SORCS3: variants seen among roughly 807,000 people sequenced by gnomAD.
The protein encoded by SORCS3 is VPS10 domain-containing receptor SorCS3.
A neutral mutation model predicts 146.3 loss-of-function variants in SORCS3; 57 were observed. That is an observed-to-expected ratio of 0.39 (90% CI 0.31 to 0.49). The LOEUF is 0.49. SORCS3 is among the 20% of genes least tolerant of loss of function. The probability of loss-of-function intolerance (pLI) is 0.92; values close to 1 mark genes in which losing one functional copy is unlikely to be tolerated. For missense variants in SORCS3, 1,341 were observed against 1,575.5 expected, an observed-to-expected ratio of 0.85 and a Z score of 2.52; for synonymous variants, 653 against 618.5, an observed-to-expected ratio of 1.06 and a Z score of -0.83.
At chr10:105,248,350 C>T in intron 22 of SORCS3, among the ~76,000 whole-genome samples, 1 of 152,156 alleles carries the variant, frequency 6.6e-6, no homozygotes. Flanking sequence ...ACTCTTGGAA[C>T]ATCTTTGGAG....
chr10:104,891,942 A>G (rs1408719459), intron 2 of SORCS3, among the ~76,000 whole-genome samples: 1 of 152,240 alleles, frequency 6.6e-6, no homozygotes, highest in African/African-American at 2.4e-5. Context: ...CACAAAGAGA[A>G]TGAACTTCAT....
chr10:104,699,959 T>C (rs2016260634), intron 1 of SORCS3, among the ~76,000 whole-genome samples: 1 of 152,134 alleles, frequency 6.6e-6, no homozygotes, highest in Non-Finnish European at 1.5e-5. Flanking sequence ...CACCTAGTCT[T>C]GAATAAAAAT....
At chr10:105,233,539 A>G (rs2056776730) in intron 20 of SORCS3, among the ~76,000 whole-genome samples, 1 of 152,068 alleles carries the variant, frequency 6.6e-6, no homozygotes, top group African/African-American at 2.4e-5. Flanking sequence ...TACTTCTCCT[A>G]ATGCTATTGC....
intron 2 of SORCS3, among the ~76,000 whole-genome samples, chr10:104,898,579 A>C (rs1476071594): frequency 6.6e-6 from 1 of 152,196 alleles, no homozygotes; most frequent in Non-Finnish European, 1.5e-5. Flanking sequence ...TTTCCTCTTC[A>C]TCCTGGGCAA....
At chr10:104,883,977 A>T (rs10884062) in intron 2 of SORCS3, among the ~76,000 whole-genome samples, 296 of 147,788 alleles carry the variant, frequency 2.0e-3, no homozygotes, top group African/African-American at 7.0e-3. Context: ...CTGTGGAATG[A>T]GGGGGGGGAA....
In SORCS3 at chr10:104,795,346, T is replaced by TA. The variant is rs150865455; in HGVS notation, c.628-47439dup. 4.7e-3 allele frequency among the ~76,000 whole-genome samples: 719 copies of TA among 152,306 alleles called. 7 individuals are homozygous for TA. The highest frequency in any genetic ancestry group is 0.017 in the African/African-American group (701 of 41,562). On this transcript the variant is annotated intron_variant, in intron 1 of 26. Transcript: ENST00000369701. ...TGGCATTTACATTTATTATGTAATT[T>TA]AAAAAAATGGTGAATAGTTTTTTGT...
Position 105,256,802 on chromosome 10 carries a change from C to A in SORCS3, c.3338-17C>A. ...TGAGCATATCTGTTCTTTTCCTTAT[C>A]TGTTCTTCTTTCCAAGCTCCATTGG... is the stretch of plus-strand genomic sequence containing the variant. On this transcript the variant is annotated splice_polypyrimidine_tract_variant and intron_variant, in intron 24 of 26. Coordinates refer to ENST00000369701, the MANE Select transcript of SORCS3 (RefSeq NM_014978.3). 6.3e-7 allele frequency: 1 copy of A among 1,599,366 alleles called. No homozygotes were observed. Among genetic ancestry groups the A allele is most frequent in the Non-Finnish European group, 8.6e-7 (1 of 1,166,734 alleles).
chr10:104,915,714 A>C, intron 2 of SORCS3, 119 bp from the exon 3 acceptor site: 1 of 773,798 alleles, frequency 1.3e-6, no homozygotes, highest in South Asian at 1.6e-5. Context: ...TCTCTGAAGC[A>C]CTCATATGAT....
At position 104,645,653 on chromosome 10, in the gene SORCS3, A is replaced by G. The variant is rs79302601; in HGVS notation, c.627+3699A>G. On this transcript the variant is annotated intron_variant, in intron 1 of 26. Coordinates refer to ENST00000369701, the MANE Select transcript of SORCS3 (RefSeq NM_014978.3). ...CCCAACACTGCATCTTGGTGAAGAG[A>G]AATGGGGAGATGCTGATATTTCTAG... 9.6e-3 allele frequency among the ~76,000 whole-genome samples: 1,459 copies of G among 152,234 alleles called. 24 individuals are homozygous for G. Among genetic ancestry groups the G allele is most frequent in the African/African-American group, 0.033 (1,386 of 41,528 alleles).
At chr10:104,895,322 A>G (rs1399329706) in intron 2 of SORCS3, among the ~76,000 whole-genome samples, 1 of 152,150 alleles carries the variant, frequency 6.6e-6, no homozygotes, top group Non-Finnish European at 1.5e-5. Flanking sequence ...ACAGCAGAGG[A>G]AAGATGCCCT....
chr10:104,953,488 T>C (rs2019455037), intron 3 of SORCS3, among the ~76,000 whole-genome samples: 1 of 152,250 alleles, frequency 6.6e-6, no homozygotes, highest in South Asian at 2.1e-4. Context: ...TAGAAATTCC[T>C]ATTTAAGATG....
At chr10:105,087,327 T>C (rs116788132) in intron 5 of SORCS3, among the ~76,000 whole-genome samples, 12,050 of 152,216 alleles carry the variant, frequency 0.079, 592 homozygotes, top group Middle Eastern at 0.12. Flanking sequence ...TTGGTTACTG[T>C]AGCCTTGTAG....
intron 3 of SORCS3, among the ~76,000 whole-genome samples, chr10:104,969,741 T>C (rs1284258730): frequency 1.3e-5 from 2 of 152,300 alleles, no homozygotes; most frequent in Non-Finnish European, 2.9e-5. Flanking sequence ...TCTTTATGTG[T>C]GTGTGCACAT....
In SORCS3 at chr10:104,952,257, A is replaced by G. The variant is rs983465279; in HGVS notation, c.796-25078A>G. Among the ~76,000 whole-genome samples the G allele has an allele frequency of 3.7e-4, 22 of 59,876 alleles. No individual in the cohort carries two copies. The South Asian group carries it at 0.016, about 43-fold the overall frequency. 39.3% of individuals were successfully genotyped at this position (59,876 alleles called of 152,430 possible). A position where few individuals can be genotyped will look rare whatever the true frequency, so the allele number is the denominator to read the frequency against. On this transcript the variant is annotated intron_variant, in intron 3 of 26. Transcript: ENST00000369701. ...GATTCTGGTGCACATGAATGTTTGA[A>G]AAAAAAAAAAAAAAAAAAAAAAAAA...
intron 4 of SORCS3, among the ~76,000 whole-genome samples, chr10:104,982,792 A>G (rs1029616481): frequency 2.6e-5 from 4 of 152,160 alleles, no homozygotes; most frequent in African/African-American, 9.7e-5. Flanking sequence ...ATACCCTGTG[A>G]TATTTGAATG....
intron 1 of SORCS3, among the ~76,000 whole-genome samples, chr10:104,802,974 G>A (rs2017640589): frequency 7.4e-6 from 1 of 135,778 alleles, no homozygotes; most frequent in Non-Finnish European, 1.6e-5. Flanking sequence ...AGAGAGGGGA[G>A]GTAGTTCTGC....
At chr10:104,976,759 G>A (rs1013630025) in intron 3 of SORCS3, among the ~76,000 whole-genome samples, 1 of 152,144 alleles carries the variant, frequency 6.6e-6, no homozygotes, top group Non-Finnish European at 1.5e-5. Flanking sequence ...GTCCTTTGTA[G>A]GGACATGGAT....
chr10:104,769,601 G>A (rs1300698595), intron 1 of SORCS3, among the ~76,000 whole-genome samples: 3 of 152,140 alleles, frequency 2.0e-5, no homozygotes, highest in South Asian at 2.1e-4. Flanking sequence ...AGGGAGGGGG[G>A]AATTTTCAAG....
chr10:104,956,188 T>C (rs1000010385), intron 3 of SORCS3, among the ~76,000 whole-genome samples: 3 of 152,214 alleles, frequency 2.0e-5, no homozygotes, highest in Non-Finnish European at 4.4e-5. Context: ...GAACATTCTA[T>C]TGGAACCAGT....
Sources: allele counts gnomAD v4.1 joint callset (sites outside exome capture counted in the v4.1 genomes callset), GRCh38; gene constraint gnomAD v4.1.1; transcripts MANE v1.5; gene names NCBI Gene and HGNC (gene_info 2026-07-23, HGNC 2026-07-21).